Variants in CEP350 observed in about 807,000 individuals in gnomAD.
CEP350 encodes centrosome-associated protein 350.
CEP350 carries 126 observed loss-of-function variants against 331.8 expected under a neutral mutation model. That is an observed-to-expected ratio of 0.38 (90% CI 0.33 to 0.44). CEP350 has a LOEUF of 0.44. Ranked by LOEUF, CEP350 falls within the 20% of genes least tolerant of loss-of-function variation. The pLI, the probability that CEP350 is intolerant of heterozygous loss-of-function variation, is 1.00. For synonymous variants in CEP350, 1,200 were observed against 1,259.5 expected (o/e 0.95, Z 1.00); for missense variants, 3,406 against 3,634.6 (o/e 0.94, Z 1.62).
chr1:179,997,857 C>T (rs976467642), intron 6 of CEP350, among the ~76,000 whole-genome samples: 8 of 152,052 alleles, frequency 5.3e-5, no homozygotes, highest in African/African-American at 9.7e-5. Flanking sequence ...TATTTGAGTA[C>T]AGAATATTTT....
At chr1:180,039,327 CG>C in intron 17 of CEP350, among the ~76,000 whole-genome samples, 1 of 150,122 alleles carries the variant, frequency 6.7e-6, no homozygotes, top group South Asian at 2.1e-4. Context: ...TAGGAGGGAA[CG>C]GAAAGAAAGG....
Position 179,996,615 on chromosome 1 carries a change from G to T in CEP350, c.458G>T (p.Cys153Phe). The T allele has an allele frequency of 6.2e-7, 1 of 1,607,474 alleles. No individual in the cohort carries two copies. The highest frequency in any genetic ancestry group is 8.5e-7 in the Non-Finnish European group (1 of 1,176,468). The change falls in exon 6 of 38, where the codon TGT becomes TTT. Residue 153 changes from cysteine (C) to phenylalanine (F), a missense_variant. Around this residue, in one of 5 missense-constraint regions of CEP350, gnomAD observed 1,857 missense variants for 1,909.2 expected, o/e 0.97. Transcript: ENST00000367607. ...SSHLESKHVY[C>F]VDVNEEKTES... ...CATCTGGAATCAAAGCACGTATACT[G>T]TGTAGATGTTAATGAAGAAAAGACT... is the stretch of plus-strand genomic sequence containing the variant.
At chr1:179,992,330 G>C (rs1479900806) in intron 5 of CEP350, 109 bp downstream of exon 5, 1 of 838,990 alleles carries the variant, frequency 1.2e-6, no homozygotes. Flanking sequence ...TTGTGAAATA[G>C]TATAATACTC....
chr1:180,024,536 A>T lies in CEP350; in HGVS notation c.3504A>T (p.Ser1168=), dbSNP rs376079995. The change falls in exon 14 of 38, where the codon TCA becomes TCT. Residue 1168 remains serine (S), a synonymous_variant. Coordinates refer to ENST00000367607, the MANE Select transcript of CEP350 (RefSeq NM_014810.5). ...CCCAGTCTGCTGCATCGTCTCGTTC[A>T]TCTACTTCTTCTAAAGGAAAGAAAG... ...SGAQSAASSR[S]STSSKGKKGK... 1 of 1,613,072 alleles carries T rather than the reference A, an allele frequency of 6.2e-7. No homozygotes were observed. Among genetic ancestry groups the T allele is most frequent in the Non-Finnish European group, 8.5e-7 (1 of 1,179,492 alleles).
intron 25 of CEP350, among the ~76,000 whole-genome samples, chr1:180,057,669 T>C (rs572061565): frequency 6.6e-6 from 1 of 152,274 alleles, no homozygotes; most frequent in South Asian, 2.1e-4. Flanking sequence ...TTTGCTATTT[T>C]ATGAGAGTTT....
intron 22 of CEP350, among the ~76,000 whole-genome samples, chr1:180,051,270 G>A (rs868107042): frequency 2.6e-5 from 4 of 152,228 alleles, no homozygotes; most frequent in East Asian, 1.9e-4. Context: ...CCAGACCTCC[G>A]CTCTACCAGA....
At chr1:179,986,591 T>C (rs1652662956) in intron 2 of CEP350, among the ~76,000 whole-genome samples, 1 of 152,186 alleles carries the variant, frequency 6.6e-6, no homozygotes, top group African/African-American at 2.4e-5. Context: ...CATTGAATTC[T>C]TTTTAAAATA....
At position 180,016,368 on chromosome 1, in the gene CEP350, C is replaced by T. The variant is rs139287662; in HGVS notation, c.2174+398C>T. Among the ~76,000 whole-genome samples the T allele has an allele frequency of 3.9e-3, 587 of 152,212 alleles. 3 individuals carry two copies. Among genetic ancestry groups the T allele is most frequent in the Non-Finnish European group, 5.4e-3 (368 of 68,014 alleles). On this transcript the variant is annotated intron_variant, in intron 11 of 37. Coordinates refer to ENST00000367607, the MANE Select transcript of CEP350 (RefSeq NM_014810.5). ...AAGAACAATTTAGCCATTGTACTTT[C>T]GAGAGCTACCTTTGGATATGCTTGT...
chr1:180,074,546 G>A (rs1327361710), intron 27 of CEP350, among the ~76,000 whole-genome samples: 1 of 152,140 alleles, frequency 6.6e-6, no homozygotes, highest in Admixed American at 6.5e-5. Flanking sequence ...GTAAAAAAGG[G>A]ACATGAACAT....
rs368105311 is a variant in CEP350 at position 180,065,763 on chromosome 1, A to C, written c.5567+491A>C. Among the ~76,000 whole-genome samples, 1,025 of 150,880 alleles carry C rather than the reference A, an allele frequency of 6.8e-3. 10 individuals carry two copies. The highest frequency in any genetic ancestry group is 0.021 in the African/African-American group (872 of 41,162). ...ACAGAGCTAGACCCTGTCCCCCCCC[A>C]AAAAAAAAGTATCTGCACATGTACC... is the stretch of plus-strand genomic sequence containing the variant. On this transcript the variant is annotated intron_variant, in intron 27 of 37. Transcript: ENST00000367607.
At chr1:180,110,900 G>A (rs1661434681) in intron 37 of CEP350, 97 bp from the exon 38 acceptor site, 1 of 993,890 alleles carries the variant, frequency 1.0e-6, no homozygotes, top group African/African-American at 1.6e-5. Context: ...ATTTCCTTGG[G>A]CTGTATTCCT....
rs930822031 is a variant in CEP350, at chr1:180,080,582, A to C, written c.6045A>C (p.Gly2015=). The change falls in exon 30 of 38, where the codon GGA becomes GGC. Residue 2015 remains glycine, a synonymous_variant. Coordinates refer to ENST00000367607, the MANE Select transcript of CEP350 (RefSeq NM_014810.5). ...QESSKGSHRT[G]GQCHLPIKSH... ...CTAGCAAAGGAAGTCATAGGACTGG[A>C]GGACAATGTCACCTGCCTATCAAGT... The C allele has an allele frequency of 6.2e-6, 10 of 1,613,720 alleles. No individual in the cohort carries two copies. The highest frequency in any genetic ancestry group is 8.5e-6 in the Non-Finnish European group (10 of 1,179,736).
At position 180,114,126 on chromosome 1, in the gene CEP350, G is replaced by C. The variant is rs1661573321; in HGVS notation, c.*2965G>C. 1 of 152,506 alleles carries C rather than the reference G, an allele frequency of 6.6e-6. No individual in the cohort carries two copies. The highest frequency in any genetic ancestry group is 6.5e-5 in the Admixed American group (1 of 15,268). 9.4% of individuals were successfully genotyped at this position (152,506 alleles called of 1,614,324 possible). A position where few individuals can be genotyped will look rare whatever the true frequency, so the allele number is the denominator to read the frequency against. On this transcript the variant is annotated 3_prime_UTR_variant, in exon 38 of 38. Transcript: ENST00000367607. ...GTCTCTGAGAAATTATCTTTCAAAA[G>C]AGATTTCATTGCTCATAAGAGTGTT...
At position 180,090,777 on chromosome 1, in the gene CEP350, G is replaced by A. The variant is rs1405741793; in HGVS notation, c.6489G>A (p.Glu2163=). 1 of 1,545,746 alleles carries A rather than the reference G, an allele frequency of 6.5e-7. No homozygotes were observed. Among genetic ancestry groups the A allele is most frequent in the Non-Finnish European group, 8.7e-7 (1 of 1,143,446 alleles). Residue 2163 remains glutamate (E), a synonymous_variant, in exon 33 of 38, where the codon GAG becomes GAA. Transcript: ENST00000367607. ...TESERSRGSL[E]SIAEHVDASL... ...CAGAACGTTCCAGAGGATCCCTGGA[G>A]TCTATTGCTGAACATGTTGGTATGT...
At chr1:180,023,473 A>G (rs1655468147) in intron 13 of CEP350, among the ~76,000 whole-genome samples, 3 of 152,322 alleles carry the variant, frequency 2.0e-5, no homozygotes, top group East Asian at 1.9e-4. Flanking sequence ...ACATGACTCC[A>G]TGGTTCCAAG....
rs567525628 is a variant in CEP350, at chr1:179,964,779, T to TA, written c.-14+9639dup. Among the ~76,000 whole-genome samples, 686 of 151,666 alleles carry TA rather than the reference T, an allele frequency of 4.5e-3. 11 individuals are homozygous for TA. Among genetic ancestry groups the TA allele is most frequent in the African/African-American group, 0.015 (635 of 41,230 alleles). On this transcript the variant is annotated intron_variant, in intron 1 of 37. Coordinates refer to ENST00000367607, the MANE Select transcript of CEP350 (RefSeq NM_014810.5). Reference sequence around the variant, plus strand: ...AGGATCTTCTCACTTTTTTTTTTTTTAATTTACTTAGAGGTTTATCTATCT... The same window carrying TA: ...AGGATCTTCTCACTTTTTTTTTTTTTAAATTTACTTAGAGGTTTATCTATCT...
intron 20 of CEP350, among the ~76,000 whole-genome samples, chr1:180,043,611 C>T (rs192111169): frequency 1.3e-5 from 2 of 152,184 alleles, no homozygotes; most frequent in Non-Finnish European, 1.5e-5. Flanking sequence ...AAATAAAGAC[C>T]ATTGTGGCTG....
chr1:179,995,301 T>A (rs148398587), intron 5 of CEP350, among the ~76,000 whole-genome samples: 2 of 152,282 alleles, frequency 1.3e-5, no homozygotes, highest in African/African-American at 4.8e-5. Context: ...CATAAAGTGC[T>A]TTCCTAAAAT....
In CEP350 at chr1:180,096,117, A is replaced by T; in HGVS notation, c.8999A>T (p.Lys3000Met). The T allele has an allele frequency of 6.4e-7, 1 of 1,564,428 alleles. No individual in the cohort carries two copies. The change falls in exon 36 of 38, where the codon AAG becomes ATG. Residue 3000 changes from lysine to methionine, a missense_variant. Lys to Met is a moderately conservative substitution (Grantham distance 95, BLOSUM62 -1). Coordinates refer to ENST00000367607, the MANE Select transcript of CEP350 (RefSeq NM_014810.5). ...DPNLNQPVWM[K>M]PCRINSSYFR... ...AACTTAAATCAACCTGTCTGGATGAAGCCATGTAGAATCAACTCTAGTTAT... is the reference window on the plus strand; with the variant it reads ...AACTTAAATCAACCTGTCTGGATGATGCCATGTAGAATCAACTCTAGTTAT...
Sources: gnomAD v4.1 joint callset for allele counts (sites outside exome capture counted in the v4.1 genomes callset) on GRCh38, gnomAD v4.1.1 for gene constraint, gnomAD v4.1.1 regional missense constraint, MANE v1.5 for transcripts, NCBI Gene and HGNC (gene_info 2026-07-23, HGNC 2026-07-21) for gene names.